The following MYH8 variants were observed in gnomAD, a reference collection of about 807,000 sequenced individuals.
MYH8 encodes the protein myosin heavy chain 8.
MYH8 carries 168 observed loss-of-function variants against 233.2 expected under a neutral mutation model. The observed-to-expected ratio is 0.72, with a 90% CI of 0.64 to 0.82. MYH8 has a LOEUF of 0.82. Ranked by LOEUF, MYH8 falls within the 40% of genes least tolerant of loss-of-function variation. The pLI, the probability that MYH8 is intolerant of heterozygous loss-of-function variation, is 0.00. For missense variants in MYH8, 1,995 were observed against 2,327.8 expected (o/e 0.86, Z 2.94); for synonymous variants, 785 against 850.6 (o/e 0.92, Z 1.34).
rs749830403 is a variant in MYH8, at chr17:10,412,402, C to G, written c.1384G>C (p.Val462Leu). The change falls in exon 14 of 40, where the codon GTC (valine) becomes CTC (leucine). Residue 462 changes from valine to leucine, a missense_variant. Transcript: ENST00000403437. ...TKQPRQYFIG[V>L]LDIAGFEIFD... ...ATTTCAAAGCCAGCAATGTCCAAGA[C>G]CCCGATGAAGTACTGCCTGGGCTGC... is the stretch of plus-strand genomic sequence containing the variant. The G allele has an allele frequency of 6.2e-7, 1 of 1,614,198 alleles. No individual in the cohort carries two copies. Among genetic ancestry groups the G allele is most frequent in the Non-Finnish European group, 8.5e-7 (1 of 1,180,036 alleles).
intron 15 of MYH8, among the ~76,000 whole-genome samples, chr17:10,410,326 A>G (rs569425254): frequency 6.6e-6 from 1 of 152,304 alleles, no homozygotes; most frequent in Non-Finnish European, 1.5e-5. Flanking sequence ...ATAAATAAAT[A>G]AAATAGATTA....
At chr17:10,392,395 G>T (rs896459286) in intron 38 of MYH8, 147 bp downstream of exon 38, 2 of 778,874 alleles carry the variant, frequency 2.6e-6, no homozygotes, top group African/African-American at 1.7e-5. Context: ...TTTAGTATAG[G>T]TCTGTGATAA....
intron 35 of MYH8, 71 bp from the exon 36 acceptor site, chr17:10,393,281 T>A (rs2072047390): frequency 6.3e-7 from 1 of 1,595,506 alleles, no homozygotes; most frequent in African/African-American, 1.3e-5. Flanking sequence ...AGTGTCTTAC[T>A]TGTTGGTTCG....
At position 10,400,737 on chromosome 17, in the gene MYH8, C is replaced by A. The variant is rs138679792; in HGVS notation, c.3388G>T (p.Ala1130Ser). Residue 1130 changes from alanine to serine, a missense_variant, in exon 27 of 40, where the codon GCG (alanine) becomes TCG (serine). Physicochemically the swap from Ala to Ser is moderately conservative, Grantham distance 99. Coordinates refer to ENST00000403437, the MANE Select transcript of MYH8 (RefSeq NM_002472.3). The surrounding 1 kb of genome is among the most constrained non-coding windows in gnomAD (Gnocchi z 4.0). ...ELGEEIEAERASRAKAEKQRS... is the reference protein window; with the variant it reads ...ELGEEIEAERSSRAKAEKQRS... ...TGCTTCTCCGCTTTGGCTCGGGACG[C>A]CCTCTCTGCCTCGATTTCTTCCCCC... 379 of 1,614,164 alleles carry A rather than the reference C, an allele frequency of 2.3e-4. 1 individual carries two copies. In the Middle Eastern group the frequency reaches 2.7e-3, roughly 11 times the overall value.
Position 10,392,544 on chromosome 17 carries a change from G to C in MYH8, c.5566C>G (p.Gln1856Glu). ...TTCTGGAAGGCTATTCCCTTTACCT[G>C]GTAGGTGAGTTCTTTTACTCGTCGC... is the stretch of plus-strand genomic sequence containing the variant. ...HERRVKELTY[Q>E]TEEDRKNVLR... Residue 1856 changes from glutamine to glutamate, a missense_variant and splice_region_variant, in exon 38 of 40, where the codon CAG (glutamine) becomes GAG (glutamate). Physicochemically the swap from Gln to Glu is conservative, Grantham distance 29. This residue lies in a region of MYH8 where 1,498 missense variants were observed against 1,680.9 expected (regional missense o/e 0.89). Transcript: ENST00000403437. 6.2e-7 allele frequency: 1 copy of C among 1,613,036 alleles called. No individual in the cohort carries two copies. Among genetic ancestry groups the C allele is most frequent in the Non-Finnish European group, 8.5e-7 (1 of 1,179,008 alleles).
At chr17:10,398,314 A>ATT (rs1423137555) in intron 30 of MYH8, 130 bp downstream of exon 30, 91 of 1,329,480 alleles carry the variant, frequency 6.8e-5, no homozygotes, top group Non-Finnish European at 9.2e-5. Context: ...ACATGCATAC[A>ATT]TTATATATAT....
chr17:10,405,542 T>C (rs1383331189), intron 21 of MYH8, among the ~76,000 whole-genome samples: 1 of 152,084 alleles, frequency 6.6e-6, no homozygotes, highest in East Asian at 1.9e-4. Flanking sequence ...GCACAGTGTG[T>C]GTGTAAGTAG....
chr17:10,398,991 T>A, intron 28 of MYH8, 105 bp from the exon 29 acceptor site: 1 of 459,794 alleles, frequency 2.2e-6, no homozygotes, highest in South Asian at 2.4e-5. Flanking sequence ...TATATGTGTG[T>A]GTGTATATAT....
chr17:10,401,442 G>T lies in MYH8; in HGVS notation c.2941C>A (p.Leu981Ile). 6.2e-7 allele frequency: 1 copy of T among 1,613,962 alleles called. No individual in the cohort carries two copies. ...TCCAGGCCTGCCATCTCTTCTGTAA[G>T]ATTTTTCACCTACAAAGGTTAAGAA... is the stretch of plus-strand genomic sequence containing the variant. ...KHATENKVKN[L>I]TEEMAGLDET... The change falls in exon 24 of 40, where the codon CTT becomes ATT. Residue 981 changes from leucine to isoleucine, a missense_variant. Physicochemically the swap from Leu to Ile is conservative, Grantham distance 5. Around this residue, in one of 3 missense-constraint regions of MYH8, gnomAD observed 1,498 missense variants for 1,680.9 expected, o/e 0.89. Coordinates refer to ENST00000403437, the MANE Select transcript of MYH8 (RefSeq NM_002472.3).
At chr17:10,393,492 C>T (rs2072048631) in intron 35 of MYH8, among the ~76,000 whole-genome samples, 2 of 152,168 alleles carry the variant, frequency 1.3e-5, no homozygotes, top group South Asian at 2.1e-4. Context: ...TTCAGTCAGA[C>T]ATCACTAGTT....
intron 27 of MYH8, 48 bp from the exon 28 acceptor site, chr17:10,399,717 A>T: frequency 6.2e-7 from 1 of 1,611,232 alleles, no homozygotes; most frequent in Non-Finnish European, 8.5e-7. Flanking sequence ...TGCAATAAAA[A>T]GGTTAAAACT....
Position 10,417,687 on chromosome 17 carries a change from C to T in MYH8, c.511+958G>A, listed in dbSNP as rs544267963. On this transcript the variant is annotated intron_variant, in intron 5 of 39. Transcript: ENST00000403437. The surrounding 1 kb of genome is among the most constrained non-coding windows in gnomAD (Gnocchi z 4.1). ...ATGCAGCTGTTGAGTATTAAAACCT[C>T]TGAAATGAGCCAGCGTTTGGATAAT... Among the ~76,000 whole-genome samples, 1 of 152,230 alleles carries T rather than the reference C, an allele frequency of 6.6e-6. No individual in the cohort carries two copies. The highest frequency in any genetic ancestry group is 1.9e-4 in the East Asian group (1 of 5,184).
At chr17:10,398,957 T>C in intron 28 of MYH8, 71 bp from the exon 29 acceptor site, 3 of 828,354 alleles carry the variant, frequency 3.6e-6, no homozygotes, top group Non-Finnish European at 6.0e-6. Flanking sequence ...CATTTATATA[T>C]GTGTGTGTGT....
Position 10,412,597 on chromosome 17 carries a change from G to A in MYH8, c.1266+13C>T. ...CCTGAGATGTGTGTGATTCATTGAGGTCATGCACTTACCTGCTGCACAGTC... is the reference window on the plus strand; with the variant it reads ...CCTGAGATGTGTGTGATTCATTGAGATCATGCACTTACCTGCTGCACAGTC... On this transcript the variant is annotated intron_variant, in intron 13 of 39. Transcript: ENST00000403437. 3 of 1,614,140 alleles carry A rather than the reference G, an allele frequency of 1.9e-6. No individual in the cohort carries two copies. The highest frequency in any genetic ancestry group is 1.7e-6 in the Non-Finnish European group (2 of 1,179,976).
At position 10,401,162 on chromosome 17, in the gene MYH8, C is replaced by A. The variant is rs941141027; in HGVS notation, c.3138G>T (p.Lys1046Asn). The A allele has an allele frequency of 1.2e-5, 20 of 1,613,694 alleles. No homozygotes were observed. Among genetic ancestry groups the A allele is most frequent in the Non-Finnish European group, 1.6e-5 (19 of 1,179,960 alleles). Residue 1046 changes from lysine (K) to asparagine (N), a missense_variant, in exon 25 of 40, where the codon AAG becomes AAT. Physicochemically the swap from Lys to Asn is moderately conservative, Grantham distance 94. Around this residue, in one of 3 missense-constraint regions of MYH8, gnomAD observed 1,498 missense variants for 1,680.9 expected, o/e 0.89. Coordinates refer to ENST00000403437, the MANE Select transcript of MYH8 (RefSeq NM_002472.3). The stretch of plus-strand genomic sequence containing the variant: ...TTGCTCTTTCTAGATCCATTCGAAG[C>A]TTCTTTTCTTGTTCCAGAGACCCTT... ...DLEGSLEQEKKLRMDLERAKR... is the reference protein window; with the variant it reads ...DLEGSLEQEKNLRMDLERAKR...
intron 17 of MYH8, among the ~76,000 whole-genome samples, chr17:10,407,304 T>C (rs949355114): frequency 1.3e-5 from 2 of 152,232 alleles, no homozygotes; most frequent in Non-Finnish European, 2.9e-5. Context: ...ATGGCTTTGC[T>C]ATGCCACTAA....
At position 10,400,872 on chromosome 17, in the gene MYH8, C is replaced by T; in HGVS notation, c.3342G>A (p.Leu1114=). ...AAATAGAGGTGAGATGACTCACCTG[C>T]AACTCTTTGATCTTCTTCTGTAGTT... ...EIQLQKKIKE[L]QARIEELGEE... is the part of the protein sequence containing the mutation. The change falls in exon 26 of 40, where the codon TTG becomes TTA. Residue 1114 remains leucine (L), a synonymous_variant. Coordinates refer to ENST00000403437, the MANE Select transcript of MYH8 (RefSeq NM_002472.3). The surrounding 1 kb of genome is among the most constrained non-coding windows in gnomAD (Gnocchi z 4.0). 6.2e-7 allele frequency: 1 copy of T among 1,613,800 alleles called. No individual in the cohort carries two copies. Among genetic ancestry groups the T allele is most frequent in the South Asian group, 1.1e-5 (1 of 91,078 alleles).
In MYH8 at chr17:10,401,671, T is replaced by C. The variant is rs1320731738; in HGVS notation, c.2803A>G (p.Ile935Val). 1.2e-6 allele frequency: 2 copies of C among 1,614,158 alleles called. No homozygotes were observed. Among genetic ancestry groups the C allele is most frequent in the East Asian group, 4.5e-5 (2 of 44,884 alleles). The change falls in exon 23 of 40, where the codon ATC becomes GTC. Residue 935 changes from isoleucine (I) to valine (V), a missense_variant. Physicochemically the swap from Ile to Val is conservative, Grantham distance 29 (BLOSUM62 3). Transcript: ENST00000403437. ...TTCTTGGCTGTCAGCTCAGCATTGA[T>C]CTCTTCCTCCTCCTCAGCTCTTTCA... ...VTERAEEEEE[I>V]NAELTAKKRK...
Position 10,414,294 on chromosome 17 carries a change from T to C in MYH8, c.906A>G (p.Glu302=). ...ATGGGTTGGTGGTGATCAGGAGCAT[T>C]TCTGGGTCACAGAATTCAGGGCATA... The part of the protein sequence containing the change: ...ITSNKKPDLI[E]MLLITTNPYD... The change falls in exon 11 of 40, where the codon GAA becomes GAG. Residue 302 remains glutamate (E), a splice_region_variant and synonymous_variant. Transcript: ENST00000403437. 6.2e-7 allele frequency: 1 copy of C among 1,613,892 alleles called. No individual in the cohort carries two copies. Among genetic ancestry groups the C allele is most frequent in the Non-Finnish European group, 8.5e-7 (1 of 1,179,778 alleles).
Sources: allele counts gnomAD v4.1 joint callset (sites outside exome capture counted in the v4.1 genomes callset), GRCh38; gene constraint gnomAD v4.1.1; regional missense constraint gnomAD v4.1.1; non-coding constraint Gnocchi (gnomAD v3.1); transcripts MANE v1.5; gene names NCBI Gene and HGNC (gene_info 2026-07-23, HGNC 2026-07-21).